The following AKT3 variants were observed in gnomAD, a reference collection of about 807,000 sequenced individuals.
AKT3 encodes the protein RAC-gamma serine/threonine-protein kinase.
A neutral mutation model predicts 65.3 loss-of-function variants in AKT3; 15 were observed. That is an observed-to-expected ratio of 0.23 (90% CI 0.15 to 0.35). AKT3 has a LOEUF of 0.35. AKT3 is among the 10% of genes least tolerant of loss of function. The pLI is 1.00. For missense variants in AKT3, 243 were observed against 576.5 expected, an observed-to-expected ratio of 0.42 and a Z score of 5.92; for synonymous variants, 206 against 183.8, an observed-to-expected ratio of 1.12 and a Z score of -0.98.
intron 2 of AKT3, among the ~76,000 whole-genome samples, chr1:243,779,461 G>C (rs1690769421): frequency 6.6e-6 from 1 of 152,062 alleles, no homozygotes; most frequent in Non-Finnish European, 1.5e-5. Flanking sequence ...AGAATGAGAA[G>C]AACATTCAAA....
chr1:243,669,600 C>CT (rs960780573), intron 3 of AKT3, among the ~76,000 whole-genome samples: 4 of 152,106 alleles, frequency 2.6e-5, no homozygotes, highest in Non-Finnish European at 4.4e-5. Flanking sequence ...AAAGCACTAT[C>CT]ATGAATTAAA....
intron 2 of AKT3, among the ~76,000 whole-genome samples, chr1:243,697,910 A>G (rs1179682193): frequency 1.3e-5 from 2 of 152,024 alleles, no homozygotes; most frequent in African/African-American, 4.8e-5. Flanking sequence ...AAATGAATAA[A>G]TAGAGGATAC....
At chr1:243,834,519 CATTG>C (rs1333887623) in intron 2 of AKT3, among the ~76,000 whole-genome samples, 9 of 152,152 alleles carry the variant, frequency 5.9e-5, no homozygotes, top group Non-Finnish European at 1.2e-4. Flanking sequence ...TTTGTGTACA[CATTG>C]AGTACACATT....
At chr1:243,685,562 C>A (rs140448347) in intron 3 of AKT3, among the ~76,000 whole-genome samples, 75 of 152,166 alleles carry the variant, frequency 4.9e-4, no homozygotes, top group African/African-American at 1.7e-3. Context: ...ACCAGTAGCA[C>A]GCTGTTTTTG....
rs181365721 is a variant in AKT3 at position 243,596,599 on chromosome 1, G to A, written c.696+17072C>T. Reference sequence around the variant, plus strand: ...CACTGACCACAGCAAGCACTGGTGAGGGTGCAGAACACCTAAAATTCTCAT... The same window carrying A: ...CACTGACCACAGCAAGCACTGGTGAAGGTGCAGAACACCTAAAATTCTCAT... On this transcript the variant is annotated intron_variant, in intron 8 of 13. Transcript: ENST00000673466. 2.6e-4 allele frequency among the ~76,000 whole-genome samples: 40 copies of A among 152,330 alleles called. No individual in the cohort carries two copies. The East Asian group carries it at 7.7e-3, about 29-fold the overall frequency.
chr1:243,489,549 C>G lies in AKT3; in HGVS notation c.*7-1099G>C, dbSNP rs532418128. ...AATTGGTTGAGGAAAGAGGTGTTCC[C>G]AATTAGCAAAGTCGTCTTGAATGGA... is the stretch of plus-strand genomic sequence containing the variant. On this transcript the variant is annotated intron_variant, in intron 13 of 13. Coordinates refer to the AKT3 transcript ENST00000336199. Among the ~76,000 whole-genome samples, 18 of 152,270 alleles carry G rather than the reference C, an allele frequency of 1.2e-4. No individual in the cohort carries two copies. In the South Asian group the frequency reaches 3.5e-3, roughly 30 times the overall value.
chr1:243,820,355 C>T (rs1431226914), intron 2 of AKT3, among the ~76,000 whole-genome samples: 5 of 152,070 alleles, frequency 3.3e-5, no homozygotes, highest in South Asian at 4.1e-4. Flanking sequence ...AAAGAATCAA[C>T]GAAAAAAACA....
At chr1:243,582,636 A>C (rs1675463524) in intron 8 of AKT3, among the ~76,000 whole-genome samples, 1 of 152,104 alleles carries the variant, frequency 6.6e-6, no homozygotes, top group African/African-American at 2.4e-5. Flanking sequence ...AAGAAAAATA[A>C]ATGCTACCAC....
At chr1:243,704,102 T>C (rs892123782) in intron 2 of AKT3, among the ~76,000 whole-genome samples, 11 of 152,206 alleles carry the variant, frequency 7.2e-5, no homozygotes, top group African/African-American at 1.9e-4. Flanking sequence ...TGTGTGTTGA[T>C]AGTCTGTGAA....
intron 6 of AKT3, among the ~76,000 whole-genome samples, chr1:243,629,425 T>C (rs1000285204): frequency 5.3e-5 from 8 of 152,112 alleles, no homozygotes; most frequent in African/African-American, 9.7e-5. Context: ...GATCAGGAGA[T>C]GACTGGAACC....
At chr1:243,679,396 T>C (rs965503185) in intron 3 of AKT3, among the ~76,000 whole-genome samples, 45 of 152,258 alleles carry the variant, frequency 3.0e-4, no homozygotes, top group African/African-American at 9.9e-4. Context: ...AACTGAAATA[T>C]GTTTTCTCCC....
intron 4 of AKT3, among the ~76,000 whole-genome samples, chr1:243,661,010 G>A (rs986934668): frequency 6.6e-6 from 1 of 152,094 alleles, no homozygotes; most frequent in African/African-American, 2.4e-5. Context: ...GGGATGTGAA[G>A]GACCTCTTCA....
chr1:243,496,495 C>T (rs1001188383), downstream of AKT3, among the ~76,000 whole-genome samples: 4 of 152,228 alleles, frequency 2.6e-5, no homozygotes, highest in Admixed American at 1.3e-4. Flanking sequence ...AACAGGACCA[C>T]GTTTTGACTT....
intron 2 of AKT3, among the ~76,000 whole-genome samples, chr1:243,711,596 A>G (rs951004979): frequency 2.0e-5 from 3 of 152,198 alleles, no homozygotes; most frequent in Non-Finnish European, 4.4e-5. Flanking sequence ...AAATACTCCA[A>G]TTGTAATAGC....
chr1:243,591,129 G>A (rs1676196835), intron 8 of AKT3, among the ~76,000 whole-genome samples: 1 of 151,482 alleles, frequency 6.6e-6, no homozygotes, highest in African/African-American at 2.4e-5. Flanking sequence ...GACAGAGCTC[G>A]AGAGATCTAC....
intron 9 of AKT3, among the ~76,000 whole-genome samples, chr1:243,571,534 C>T (rs1251665134): frequency 6.6e-6 from 1 of 152,172 alleles, no homozygotes; most frequent in African/African-American, 2.4e-5. Flanking sequence ...AGCCTCCATG[C>T]TTCTATCCTT....
intron 10 of AKT3, among the ~76,000 whole-genome samples, chr1:243,561,321 T>C (rs2148483099): frequency 6.6e-6 from 1 of 152,290 alleles, no homozygotes; most frequent in Middle Eastern, 3.4e-3. Context: ...CCTTTTCCTG[T>C]TGGGCATTTA....
chr1:243,591,337 A>G (rs1409187379), intron 8 of AKT3, among the ~76,000 whole-genome samples: 1 of 152,260 alleles, frequency 6.6e-6, no homozygotes, highest in Admixed American at 6.5e-5. Flanking sequence ...TACTGCCTCA[A>G]TAGTGCAGCC....
intron 9 of AKT3, 64 bp from the exon 10 acceptor site, chr1:243,563,912 T>TA: frequency 6.7e-7 from 1 of 1,484,882 alleles, no homozygotes. Context: ...AATACCATTT[T>TA]AAAAAACTAC....
Sources: allele counts gnomAD v4.1 joint callset (sites outside exome capture counted in the v4.1 genomes callset), GRCh38; gene constraint gnomAD v4.1.1; transcripts MANE v1.5; gene names NCBI Gene and HGNC (gene_info 2026-07-23, HGNC 2026-07-21).